Variants in NUMA1 observed in about 807,000 individuals in gnomAD.
The protein encoded by NUMA1 is nuclear mitotic apparatus protein 1.
In NUMA1, 62 loss-of-function variants were observed where a neutral mutation model predicts 237.1. The observed-to-expected ratio is 0.26, with a 90% CI of 0.21 to 0.32. The LOEUF (loss-of-function observed/expected upper bound fraction) is 0.32. NUMA1 is among the 10% of genes least tolerant of loss of function. The probability of loss-of-function intolerance (pLI) is 1.00; values close to 1 mark genes in which losing one functional copy is unlikely to be tolerated. For synonymous variants in NUMA1, 1,028 were observed against 1,066.1 expected (o/e 0.96, Z 0.70); for missense variants, 2,533 against 2,666.5 (o/e 0.95, Z 1.10).
In NUMA1 at chr11:72,005,275, C is replaced by A; in HGVS notation, c.5787G>T (p.Val1929=). The change falls in exon 23 of 27, where the codon GTG becomes GTT. Residue 1929 remains valine (V), a synonymous_variant. Transcript: ENST00000393695. ...RIAELQQRNR[V]CPPHLKTCYP... is the part of the protein sequence containing the mutation. ...AGCAGGTCTTCAGATGTGGGGGGCA[C>A]ACTCGATTGCGCTGCTGCAGCTCTG... 1.2e-6 allele frequency: 2 copies of A among 1,606,234 alleles called. No homozygotes were observed. The highest frequency in any genetic ancestry group is 1.7e-6 in the Non-Finnish European group (2 of 1,176,586).
Position 72,004,724 on chromosome 11 carries a change from C to A in NUMA1, c.5922G>T (p.Gln1974His), listed in dbSNP as rs1278587123. Residue 1974 changes from glutamine to histidine, a missense_variant, in exon 24 of 27, where the codon CAG becomes CAT. This residue lies in a region of NUMA1 where 795 missense variants were observed against 750.8 expected (regional missense o/e 1.06). Coordinates refer to ENST00000393695, the MANE Select transcript of NUMA1 (RefSeq NM_006185.4). ...TGGTGATGCCAGTGCCCTCGGCTAT[C>A]TGGATTGGCTGCATGCTGGCTCGGC... ...TLRRASMQPI[Q>H]IAEGTGITTR... 1 of 1,613,538 alleles carries A rather than the reference C, an allele frequency of 6.2e-7. No individual in the cohort carries two copies. Among genetic ancestry groups the A allele is most frequent in the Non-Finnish European group, 8.5e-7 (1 of 1,179,844 alleles).
At position 72,015,634 on chromosome 11, in the gene NUMA1, T is replaced by A. The variant is rs1956477541; in HGVS notation, c.1869A>T (p.Gln623His). The A allele has an allele frequency of 6.2e-7, 1 of 1,613,798 alleles. No individual in the cohort carries two copies. The highest frequency in any genetic ancestry group is 8.5e-7 in the Non-Finnish European group (1 of 1,180,028). Residue 623 changes from glutamine to histidine, a missense_variant, in exon 15 of 27, where the codon CAA (glutamine) becomes CAT (histidine). Gln to His is a conservative substitution (Grantham distance 24). Transcript: ENST00000393695. This position sits in a 1 kb window ranked among gnomAD's most constrained non-coding sequence, Gnocchi z 4.0. ...CCCGGGCTTCATTAGCCACCTGAAG[T>A]TGCTGCTGCAGAATCTCCAGCTTGG... ...KAAKLEILQQ[Q>H]LQVANEARDS...
At chr11:72,036,911 C>G (rs1941083764) in intron 2 of NUMA1, among the ~76,000 whole-genome samples, 1 of 152,198 alleles carries the variant, frequency 6.6e-6, no homozygotes, top group East Asian at 1.9e-4. Context: ...GCCCCCATCT[C>G]CTGCCACACG....
intron 1 of NUMA1, among the ~76,000 whole-genome samples, chr11:72,070,747 CAACAGAGCG>C (rs1158533612): frequency 6.6e-6 from 1 of 152,178 alleles, no homozygotes; most frequent in Non-Finnish European, 1.5e-5. Context: ...CCAGCCTGGG[CAACAGAGCG>C]AAACCACGTA....
At position 72,023,197 on chromosome 11, in the gene NUMA1, C is replaced by T. The variant is rs765127627; in HGVS notation, c.209-50G>A. The T allele has an allele frequency of 6.7e-6, 9 of 1,336,716 alleles. No homozygotes were observed. The East Asian group carries it at 1.6e-4, about 24-fold the overall frequency. The allele number at this position is 1,336,716 out of a possible 1,614,324, so 82.8% of individuals were successfully genotyped here. On this transcript the variant is annotated intron_variant, in intron 5 of 26. Transcript: ENST00000393695. ...CAGGGTGAACTTCCTGGAAACCATA[C>T]CTGAGATCCCAGAACACTGAAATCT...
rs1363103497 is a variant in NUMA1 at position 72,016,457 on chromosome 11, T to C, written c.1193A>G (p.Gln398Arg). The C allele has an allele frequency of 6.2e-7, 1 of 1,614,152 alleles. No individual in the cohort carries two copies. Among genetic ancestry groups the C allele is most frequent in the Non-Finnish European group, 8.5e-7 (1 of 1,180,036 alleles). ...SQLEEHLSQL[Q>R]DNPPQEKGEV... ...GCCCTTCTCCTGGGGTGGGTTATCC[T>C]GCAGCTGGGACAAGTGTTCTTCCAG... The change falls in exon 14 of 27, where the codon CAG (glutamine) becomes CGG (arginine). Residue 398 changes from glutamine to arginine, a missense_variant. Around this residue, in one of 3 missense-constraint regions of NUMA1, gnomAD observed 1,414 missense variants for 1,508.1 expected, o/e 0.94. Transcript: ENST00000393695.
intron 20 of NUMA1, 121 bp from the exon 21 acceptor site, chr11:72,007,556 T>G (rs1482311365): frequency 1.2e-5 from 15 of 1,279,404 alleles, no homozygotes; most frequent in Non-Finnish European, 1.5e-5. Context: ...GCAGCCCATC[T>G]CTCTGATTTT....
rs374010532 is a variant in NUMA1 at position 72,016,274 on chromosome 11, G to A, written c.1243-14C>T. ...CAAGGTTTCCAGCTGGTGGTATAAA[G>A]AGACAAACTGGGATCAGCATGACTC... On this transcript the variant is annotated splice_polypyrimidine_tract_variant and intron_variant, in intron 14 of 26. Coordinates refer to ENST00000393695, the MANE Select transcript of NUMA1 (RefSeq NM_006185.4). 298 of 1,588,014 alleles carry A rather than the reference G, an allele frequency of 1.9e-4. 1 individual carries two copies. Among genetic ancestry groups the A allele is most frequent in the Non-Finnish European group, 1.9e-5 (22 of 1,163,900 alleles).
chr11:72,079,075 C>T (rs2136391674), intron 1 of NUMA1, among the ~76,000 whole-genome samples: 1 of 152,310 alleles, frequency 6.6e-6, no homozygotes, highest in East Asian at 1.9e-4. Context: ...GTTCAAATGC[C>T]ACTAAATGAA....
intron 2 of NUMA1, among the ~76,000 whole-genome samples, chr11:72,044,604 G>A (rs920693867): frequency 4.5e-4 from 1 of 2,198 alleles, no homozygotes; most frequent in Non-Finnish European, 4.2e-3. Flanking sequence ...GGTTACTTTG[G>A]GGGGGGGGAG....
intron 4 of NUMA1, among the ~76,000 whole-genome samples, chr11:72,028,492 C>T (rs79455733): frequency 2.5e-3 from 344 of 139,912 alleles, no homozygotes; most frequent in Middle Eastern, 0.013. Context: ...GACAACTGAC[C>T]TATGCTTGGT....
intron 11 of NUMA1, 26 bp downstream of exon 11, chr11:72,018,370 G>A: frequency 6.2e-7 from 1 of 1,608,018 alleles, no homozygotes. Context: ...GCTGGGGCCT[G>A]GGAAGGAATG....
chr11:72,007,787 G>A, intron 20 of NUMA1: 1 of 374,672 alleles, frequency 2.7e-6, no homozygotes, highest in Non-Finnish European at 5.0e-6. Flanking sequence ...CCCCCACTCA[G>A]GCCCCCAAGC....
Position 72,015,382 on chromosome 11 carries a change from G to C in NUMA1, c.2121C>G (p.Leu707=). The C allele has an allele frequency of 6.2e-7, 1 of 1,612,276 alleles. No homozygotes were observed. Among genetic ancestry groups the C allele is most frequent in the Non-Finnish European group, 8.5e-7 (1 of 1,179,980 alleles). The change falls in exon 15 of 27, where the codon CTC becomes CTG. Residue 707 remains leucine, a synonymous_variant. Coordinates refer to ENST00000393695, the MANE Select transcript of NUMA1 (RefSeq NM_006185.4). The surrounding 1 kb of genome is among the most constrained non-coding windows in gnomAD (Gnocchi z 4.0). ...KDQLQEQLQA[L]KESLKVTKGS... ...CCTTGGTGACCTTCAAGGACTCTTT[G>C]AGGGCCTGGAGCTGCTCCTGGAGCT...
intron 2 of NUMA1, among the ~76,000 whole-genome samples, chr11:72,038,721 A>G (rs1941329135): frequency 6.6e-6 from 1 of 151,982 alleles, no homozygotes; most frequent in Admixed American, 6.5e-5. Flanking sequence ...TTGCGATTGT[A>G]GCCTGGAACC....
intron 4 of NUMA1, among the ~76,000 whole-genome samples, chr11:72,028,889 G>A (rs1939930292): frequency 6.6e-6 from 1 of 152,204 alleles, no homozygotes; most frequent in African/African-American, 2.4e-5. Context: ...AAGCCTTCTG[G>A]TGAGACAAGA....
intron 1 of NUMA1, among the ~76,000 whole-genome samples, chr11:72,074,310 A>C (rs10751193): frequency 0.89 from 134,787 of 152,120 alleles, 59,998 homozygotes; most frequent in Non-Finnish European, 0.95. Flanking sequence ...CAGAAATCAC[A>C]CCACTGTACT....
rs1409927241 is a variant in NUMA1 at position 72,019,496 on chromosome 11, G to C, written c.582C>G (p.Asn194Lys). 1.2e-6 allele frequency: 2 copies of C among 1,613,086 alleles called. No homozygotes were observed. The highest frequency in any genetic ancestry group is 2.2e-5 in the East Asian group (1 of 44,842). ...LQKVASSSSG[N>K]NFLSGSPASP... ...AGGAGGAGAGGCCCAGAACATACTTGTTCCCACTGGAAGAGGAGGCAACCT... is the reference window on the plus strand; with the variant it reads ...AGGAGGAGAGGCCCAGAACATACTTCTTCCCACTGGAAGAGGAGGCAACCT... Residue 194 changes from asparagine to lysine, a missense_variant and splice_region_variant, in exon 9 of 27, where the codon AAC becomes AAG. Coordinates refer to ENST00000393695, the MANE Select transcript of NUMA1 (RefSeq NM_006185.4).
intron 4 of NUMA1, among the ~76,000 whole-genome samples, chr11:72,025,080 T>C (rs1348447363): frequency 1.3e-5 from 2 of 152,166 alleles, no homozygotes; most frequent in Non-Finnish European, 2.9e-5. Flanking sequence ...GTATTTTTAG[T>C]AGAGATGGGG....
Sources: gnomAD v4.1 joint callset for allele counts (sites outside exome capture counted in the v4.1 genomes callset) on GRCh38, gnomAD v4.1.1 for gene constraint, gnomAD v4.1.1 regional missense constraint, Gnocchi (gnomAD v3.1) non-coding constraint, MANE v1.5 for transcripts, NCBI Gene and HGNC (gene_info 2026-07-23, HGNC 2026-07-21) for gene names.